The following LIN7A variants were observed in gnomAD, a reference collection of about 807,000 sequenced individuals.
LIN7A encodes lin-7 cell polarity scaffold A.
Under a neutral mutation model 29.8 loss-of-function variants are expected in LIN7A, and 25 were observed. The ratio of observed to expected loss-of-function variants is 0.84; its 90% CI spans 0.61 to 1.17. The LOEUF (loss-of-function observed/expected upper bound fraction) is 1.17, where lower values mean the gene tolerates loss of function less well. LIN7A is among the 50% of genes most tolerant of loss of function. The pLI is 0.00. For missense variants in LIN7A, 239 were observed against 287.0 expected, an observed-to-expected ratio of 0.83 and a Z score of 1.21; for synonymous variants, 118 against 107.5, an observed-to-expected ratio of 1.10 and a Z score of -0.60.
At chr12:80,884,543 C>G (rs1322074583) in intron 2 of LIN7A, among the ~76,000 whole-genome samples, 1 of 152,014 alleles carries the variant, frequency 6.6e-6, no homozygotes, top group African/African-American at 2.4e-5. Flanking sequence ...TCATAGGCTC[C>G]CATGAAGAAG....
intron 4 of LIN7A, among the ~76,000 whole-genome samples, chr12:80,812,269 C>A (rs1592853311): frequency 8.5e-6 from 1 of 117,534 alleles, no homozygotes; most frequent in Admixed American, 7.8e-5. Flanking sequence ...ATACACTATG[C>A]TAAATATAAC....
intron 1 of LIN7A, among the ~76,000 whole-genome samples, chr12:80,895,051 T>C (rs1875815728): frequency 6.6e-6 from 1 of 152,138 alleles, no homozygotes; most frequent in Admixed American, 6.6e-5. Flanking sequence ...ATAATAAAGA[T>C]ATGGCAAATT....
At chr12:80,897,592 G>A (rs1875974838) in intron 1 of LIN7A, among the ~76,000 whole-genome samples, 2 of 151,996 alleles carry the variant, frequency 1.3e-5, no homozygotes, top group South Asian at 4.1e-4. Flanking sequence ...GATCACTTGA[G>A]CCCAGGAGTT....
chr12:80,849,189 T>G (rs931378951), intron 2 of LIN7A, among the ~76,000 whole-genome samples: 3 of 152,148 alleles, frequency 2.0e-5, no homozygotes, highest in Non-Finnish European at 4.4e-5. Flanking sequence ...TCAATTTCTA[T>G]GGGAAATCTG....
intron 4 of LIN7A, among the ~76,000 whole-genome samples, chr12:80,823,463 C>T (rs1871911850): frequency 6.6e-6 from 1 of 152,266 alleles, no homozygotes; most frequent in Admixed American, 6.5e-5. Flanking sequence ...GAGCCAGCCC[C>T]TGTGCCAGCA....
intron 2 of LIN7A, among the ~76,000 whole-genome samples, chr12:80,869,151 T>A (rs1286169911): frequency 1.4e-5 from 2 of 145,092 alleles, no homozygotes; most frequent in Non-Finnish European, 3.0e-5. Flanking sequence ...AATAAATAAA[T>A]ATATATATAT....
Position 80,841,987 on chromosome 12 carries a change from G to A in LIN7A, c.483+3743C>T, listed in dbSNP as rs1872843887. On this transcript the variant is annotated intron_variant, in intron 4 of 5. Coordinates refer to ENST00000552864, the MANE Select transcript of LIN7A (RefSeq NM_004664.4). ...CACCAAAGGCCTCTGTATTTTCTAT[G>A]GAATTGTATTAGGTGGTTCAATGTC... 35 of 1,215,844 alleles carry A rather than the reference G, an allele frequency of 2.9e-5. No individual in the cohort carries two copies. In the South Asian group the frequency reaches 4.8e-4, roughly 17 times the overall value. The allele number at this position is 1,215,844 out of a possible 1,614,324, so 75.3% of individuals were successfully genotyped here.
chr12:80,899,496 A>C (rs772616064), intron 1 of LIN7A, among the ~76,000 whole-genome samples: 5 of 152,242 alleles, frequency 3.3e-5, no homozygotes, highest in Admixed American at 6.5e-5. Flanking sequence ...TGCTGGCCTC[A>C]TATAATGAGT....
At position 80,937,757 on chromosome 12, in the gene LIN7A, AT is replaced by A. The variant is rs535239480; in HGVS notation, c.-36del. 444 of 217,186 alleles carry A rather than the reference AT, an allele frequency of 2.0e-3. 1 individual carries two copies. In the African/African-American group the frequency reaches 0.021, roughly 11 times the overall value. 13.5% of individuals were successfully genotyped at this position (217,186 alleles called of 1,614,324 possible). On this transcript the variant is annotated 5_prime_UTR_variant, in exon 1 of 6. Coordinates refer to ENST00000552864, the MANE Select transcript of LIN7A (RefSeq NM_004664.4). Reference sequence around the variant, plus strand: ...CTCGTAGTGAGAAAAAAAGGAGGAGATTGGGGGCGGGGGTGGAGAGGGAAGA... The same window carrying A: ...CTCGTAGTGAGAAAAAAAGGAGGAGATGGGGGCGGGGGTGGAGAGGGAAGA...
intron 4 of LIN7A, among the ~76,000 whole-genome samples, chr12:80,816,358 C>T (rs942561045): frequency 6.6e-6 from 1 of 151,370 alleles, no homozygotes; most frequent in African/African-American, 2.4e-5. Flanking sequence ...CTGTGGGGAG[C>T]CATGTTTGTG....
chr12:80,820,687 T>G (rs1475660526), intron 4 of LIN7A, among the ~76,000 whole-genome samples: 1 of 148,844 alleles, frequency 6.7e-6, no homozygotes, highest in African/African-American at 2.5e-5. Flanking sequence ...ACATGAGCTT[T>G]AGAGGTCTGA....
chr12:80,802,197 C>T (rs1275970148), intron 5 of LIN7A, among the ~76,000 whole-genome samples: 1 of 152,128 alleles, frequency 6.6e-6, no homozygotes, highest in African/African-American at 2.4e-5. Flanking sequence ...CTGGCCGAGT[C>T]TAACTTTTTA....
chr12:80,806,377 G>A (rs11832016), intron 5 of LIN7A, among the ~76,000 whole-genome samples: 9,293 of 151,968 alleles, frequency 0.061, 983 homozygotes, highest in African/African-American at 0.21. Context: ...AGAAGTTAGG[G>A]GAAAAGACTA....
intron 5 of LIN7A, among the ~76,000 whole-genome samples, chr12:80,806,265 G>A (rs921606484): frequency 3.3e-5 from 5 of 151,916 alleles, no homozygotes; most frequent in African/African-American, 9.7e-5. Context: ...AATAAAACCC[G>A]AATTCATATT....
chr12:80,873,346 A>T (rs1874515481), intron 2 of LIN7A, among the ~76,000 whole-genome samples: 1 of 151,952 alleles, frequency 6.6e-6, no homozygotes, highest in Non-Finnish European at 1.5e-5. Context: ...CCTGGGCAAC[A>T]TATCAAGACC....
intron 2 of LIN7A, among the ~76,000 whole-genome samples, chr12:80,867,964 G>A (rs1317193786): frequency 3.3e-5 from 5 of 152,112 alleles, no homozygotes; most frequent in African/African-American, 1.2e-4. Context: ...TTTCATTTAA[G>A]TATAGTTAAG....
intron 2 of LIN7A, among the ~76,000 whole-genome samples, chr12:80,860,298 T>C (rs905412863): frequency 5.3e-5 from 8 of 152,214 alleles, no homozygotes; most frequent in Non-Finnish European, 7.4e-5. Flanking sequence ...TCATGTTCAA[T>C]ACTGAAATAA....
chr12:80,838,108 A>C (rs2121532514), intron 4 of LIN7A, among the ~76,000 whole-genome samples: 1 of 152,348 alleles, frequency 6.6e-6, no homozygotes, highest in Non-Finnish European at 1.5e-5. Flanking sequence ...ATTACCAGCA[A>C]TCTAAATAGA....
chr12:80,820,141 A>C (rs1871726923), intron 4 of LIN7A, among the ~76,000 whole-genome samples: 1 of 152,194 alleles, frequency 6.6e-6, no homozygotes, highest in African/African-American at 2.4e-5. Flanking sequence ...TCAGTCCCTC[A>C]ACAATGTCGC....
Sources: gnomAD v4.1 joint callset for allele counts (sites outside exome capture counted in the v4.1 genomes callset) on GRCh38, gnomAD v4.1.1 for gene constraint, MANE v1.5 for transcripts, NCBI Gene and HGNC (gene_info 2026-07-23, HGNC 2026-07-21) for gene names.